The following DNM3 variants were observed in gnomAD, a reference collection of about 807,000 sequenced individuals.
The protein encoded by DNM3 is dynamin-3.
In DNM3, 47 loss-of-function variants were observed where a neutral mutation model predicts 101.6. The ratio of observed to expected loss-of-function variants is 0.46; its 90% confidence interval spans 0.37 to 0.59. DNM3 has a LOEUF of 0.59. DNM3 is among the 20% of genes least tolerant of loss of function. The probability of loss-of-function intolerance (pLI) is 0.00; values close to 1 mark genes in which losing one functional copy is unlikely to be tolerated. For synonymous variants in DNM3, 385 were observed against 387.9 expected (o/e 0.99, Z 0.09); for missense variants, 849 against 1,085.7 (o/e 0.78, Z 3.06).
chr1:172,236,163 G>T (rs369331572), intron 14 of DNM3, among the ~76,000 whole-genome samples: 1 of 152,088 alleles, frequency 6.6e-6, no homozygotes, highest in Admixed American at 6.6e-5. Flanking sequence ...AAGGATCTCT[G>T]TCTCCTTCCT....
intron 17 of DNM3, among the ~76,000 whole-genome samples, chr1:172,334,384 C>T (rs1391286774): frequency 6.6e-6 from 1 of 152,144 alleles, no homozygotes; most frequent in Admixed American, 6.5e-5. Flanking sequence ...GAAGTTACAA[C>T]TGGCATTTAG....
At chr1:172,380,087 A>G (rs2068815081) in intron 18 of DNM3, among the ~76,000 whole-genome samples, 1 of 152,026 alleles carries the variant, frequency 6.6e-6, no homozygotes, top group Admixed American at 6.6e-5. Flanking sequence ...AAAGAGCCCC[A>G]AAGTAGAATT....
chr1:172,036,071 T>G (rs2048936258), intron 6 of DNM3, among the ~76,000 whole-genome samples: 1 of 150,374 alleles, frequency 6.7e-6, no homozygotes, highest in Non-Finnish European at 1.5e-5. Context: ...TAGTTACATA[T>G]GTATACATGT....
chr1:172,241,428 A>G (rs1446928841), intron 14 of DNM3, among the ~76,000 whole-genome samples: 3 of 152,090 alleles, frequency 2.0e-5, no homozygotes, highest in African/African-American at 7.2e-5. Context: ...GTTCTGCTTT[A>G]CTGGCTATTC....
chr1:172,164,721 C>A (rs906806264), intron 14 of DNM3, among the ~76,000 whole-genome samples: 1 of 152,012 alleles, frequency 6.6e-6, no homozygotes, highest in Non-Finnish European at 1.5e-5. Context: ...GTGTGCTGAT[C>A]TTTTCCTGTT....
At chr1:172,294,083 A>G (rs547356087) in intron 15 of DNM3, among the ~76,000 whole-genome samples, 3 of 152,352 alleles carry the variant, frequency 2.0e-5, no homozygotes, top group African/African-American at 7.2e-5. Context: ...GCTAAAAGCT[A>G]TGGTAGAAAG....
intron 1 of DNM3, among the ~76,000 whole-genome samples, chr1:171,874,711 A>G (rs1346643135): frequency 6.6e-6 from 1 of 152,022 alleles, no homozygotes; most frequent in Non-Finnish European, 1.5e-5. Context: ...CGTTTGTTAC[A>G]TGGGTAGATT....
At chr1:171,939,199 A>G (rs919739222) in intron 2 of DNM3, among the ~76,000 whole-genome samples, 3 of 152,188 alleles carry the variant, frequency 2.0e-5, no homozygotes, top group Admixed American at 2.0e-4. Context: ...GAGAAAAGCA[A>G]CTGATCCAAA....
At position 171,841,681 on chromosome 1, in the gene DNM3, C is replaced by A. The variant is rs778559191; in HGVS notation, c.25C>A (p.Leu9Met). 3.1e-6 allele frequency: 5 copies of A among 1,611,738 alleles called. No homozygotes were observed. Among genetic ancestry groups the A allele is most frequent in the African/African-American group, 1.3e-5 (1 of 75,010 alleles). The change falls in exon 1 of 21, where the codon CTG becomes ATG. Residue 9 changes from leucine to methionine, a missense_variant. Leu to Met is a conservative substitution (Grantham distance 15). Coordinates refer to ENST00000627582, the MANE Select transcript of DNM3 (RefSeq NM_015569.5). The part of the protein sequence containing the change: MGNREMEE[L>M]IPLVNRLQDA... ...GATGGGGAACCGGGAGATGGAGGAG[C>A]TGATCCCGCTGGTGAACCGTCTGCA...
At chr1:172,404,299 A>T (rs1432451113) in intron 20 of DNM3, among the ~76,000 whole-genome samples, 1 of 152,096 alleles carries the variant, frequency 6.6e-6, no homozygotes, top group Non-Finnish European at 1.5e-5. Context: ...CCCTAGGGAC[A>T]TCCTTAAAGA....
chr1:172,398,058 T>A (rs2070161741), intron 20 of DNM3, among the ~76,000 whole-genome samples: 1 of 152,218 alleles, frequency 6.6e-6, no homozygotes, highest in East Asian at 1.9e-4. Context: ...TTTATATTTC[T>A]TTTCTGTGGA....
At chr1:171,876,775 T>C (rs899003947) in intron 1 of DNM3, among the ~76,000 whole-genome samples, 2 of 152,262 alleles carry the variant, frequency 1.3e-5, no homozygotes, top group African/African-American at 2.4e-5. Context: ...GATGAAAGGT[T>C]GTTATTCGAA....
intron 17 of DNM3, among the ~76,000 whole-genome samples, chr1:172,363,549 A>G (rs2067854689): frequency 6.6e-6 from 1 of 151,860 alleles, no homozygotes; most frequent in Non-Finnish European, 1.5e-5. Flanking sequence ...ATAGAAACCC[A>G]CTTGATTCAG....
intron 2 of DNM3, among the ~76,000 whole-genome samples, chr1:171,925,623 T>C (rs895499415): frequency 1.3e-5 from 2 of 152,206 alleles, no homozygotes; most frequent in Non-Finnish European, 2.9e-5. Context: ...ATTGGATGCA[T>C]AGTTTGCAAA....
At chr1:172,256,904 T>TG (rs1170876958) in intron 15 of DNM3, among the ~76,000 whole-genome samples, 4 of 59,286 alleles carry the variant, frequency 6.7e-5, no homozygotes, top group Non-Finnish European at 1.1e-4. Context: ...TTCTTCATCA[T>TG]GTTTTTTTTT....
intron 15 of DNM3, among the ~76,000 whole-genome samples, chr1:172,268,559 AG>A (rs1357515917): frequency 6.6e-6 from 1 of 152,194 alleles, no homozygotes; most frequent in Non-Finnish European, 1.5e-5. Context: ...GAGCCTGGAG[AG>A]GGATGGATTG....
intron 4 of DNM3, among the ~76,000 whole-genome samples, chr1:172,020,807 A>T (rs1381855458): frequency 6.6e-6 from 1 of 151,796 alleles, no homozygotes; most frequent in Non-Finnish European, 1.5e-5. Flanking sequence ...CAGAAGCATA[A>T]GGGGATTTTT....
At chr1:171,991,593 C>T (rs1431959080) in intron 4 of DNM3, among the ~76,000 whole-genome samples, 1 of 152,156 alleles carries the variant, frequency 6.6e-6, no homozygotes, top group African/African-American at 2.4e-5. Flanking sequence ...TCTCCAAACC[C>T]AGCCCATTTT....
chr1:172,142,736 T>A (rs1168640273), intron 14 of DNM3, among the ~76,000 whole-genome samples: 109 of 114,760 alleles, frequency 9.5e-4, no homozygotes, highest in Admixed American at 1.4e-3. Context: ...ATTTCTAGAG[T>A]AAAAAAAAAA....
Sources: allele counts gnomAD v4.1 joint callset (sites outside exome capture counted in the v4.1 genomes callset), GRCh38; gene constraint gnomAD v4.1.1; transcripts MANE v1.5; gene names NCBI Gene and HGNC (gene_info 2026-07-23, HGNC 2026-07-21).